EHBP1: variants seen among roughly 807,000 people sequenced by gnomAD.
EHBP1 encodes the protein EH domain binding protein 1.
A neutral mutation model predicts 144.0 loss-of-function variants in EHBP1; 55 were observed. The ratio of observed to expected loss-of-function variants is 0.38; its 90% CI spans 0.31 to 0.48. The LOEUF is 0.48. EHBP1 is among the 20% of genes least tolerant of loss of function. The pLI is 0.98. For synonymous variants in EHBP1, 469 were observed against 472.7 expected (o/e 0.99, Z 0.10); for missense variants, 1,200 against 1,364.2 (o/e 0.88, Z 1.90).
rs1337779421 is a variant in EHBP1 at position 62,810,162 on chromosome 2, A to G, written c.313-15925A>G. 2.0e-5 allele frequency among the ~76,000 whole-genome samples: 3 copies of G among 152,252 alleles called. No homozygotes were observed. In the East Asian group the frequency reaches 5.8e-4, roughly 29 times the overall value. On this transcript the variant is annotated intron_variant, in intron 5 of 22. Transcript: ENST00000431489. Reference sequence around the variant, plus strand: ...TGTACAGTGGTATCAACAAGTTGGTAAAGTTTTAAGGGATTCTTTTTTGTA... The same window carrying G: ...TGTACAGTGGTATCAACAAGTTGGTGAAGTTTTAAGGGATTCTTTTTTGTA...
chr2:63,006,837 A>G (rs1358760367), intron 19 of EHBP1, among the ~76,000 whole-genome samples: 1 of 151,654 alleles, frequency 6.6e-6, no homozygotes, highest in Non-Finnish European at 1.5e-5. Flanking sequence ...ATATATATAT[A>G]TGTCAGGATC....
At chr2:62,838,695 A>G (rs1389441084) in intron 7 of EHBP1, among the ~76,000 whole-genome samples, 2 of 151,806 alleles carry the variant, frequency 1.3e-5, no homozygotes, top group Non-Finnish European at 2.9e-5. Flanking sequence ...AACTACCATC[A>G]AAGAATACTA....
chr2:62,830,658 C>A (rs574114470), intron 6 of EHBP1, among the ~76,000 whole-genome samples: 3 of 152,082 alleles, frequency 2.0e-5, no homozygotes, highest in Non-Finnish European at 4.4e-5. Context: ...TAATAAGGTC[C>A]CATCTATTTG....
Position 62,831,118 on chromosome 2 carries a change from G to T in EHBP1, c.594G>T (p.Glu198Asp), listed in dbSNP as rs200124260. The T allele has an allele frequency of 1.1e-4, 174 of 1,605,606 alleles. No homozygotes were observed. The highest frequency in any genetic ancestry group is 9.9e-4 in the Middle Eastern group (6 of 6,042). Residue 198 changes from glutamate (E) to aspartate (D), a missense_variant, in exon 7 of 23, where the codon GAG (glutamate) becomes GAT (aspartate). By Grantham distance (45) the Glu-to-Asp change is conservative (BLOSUM62 2). This residue lies in a region of EHBP1 where 266 missense variants were observed against 262.4 expected (regional missense o/e 1.01). Coordinates refer to ENST00000431489, the MANE Select transcript of EHBP1 (RefSeq NM_001142616.3). ...DFEEDNEDDD[E>D]NRVNQEEKAA... is the part of the protein sequence containing the mutation. The stretch of plus-strand genomic sequence containing the variant: ...AAGAAGATAATGAAGATGATGATGA[G>T]AACAGAGTGAACCAAGAAGAAAAGG...
At chr2:62,744,174 A>G (rs1022395290) in intron 2 of EHBP1, among the ~76,000 whole-genome samples, 4 of 152,160 alleles carry the variant, frequency 2.6e-5, no homozygotes, top group African/African-American at 9.7e-5. Context: ...TACATGTAAT[A>G]TATAAAAATG....
chr2:62,861,968 G>C (rs1000974457), intron 8 of EHBP1, among the ~76,000 whole-genome samples: 30 of 152,062 alleles, frequency 2.0e-4, no homozygotes. Context: ...TTTGAGCCCT[G>C]ATATTTGTTA....
At chr2:62,785,716 C>A (rs1219691933) in intron 5 of EHBP1, among the ~76,000 whole-genome samples, 1 of 151,922 alleles carries the variant, frequency 6.6e-6, no homozygotes, top group Non-Finnish European at 1.5e-5. Flanking sequence ...TCTCCTTCAC[C>A]TTTCTTATAC....
chr2:62,711,947 T>G (rs1270675129), intron 2 of EHBP1, among the ~76,000 whole-genome samples: 1 of 152,124 alleles, frequency 6.6e-6, no homozygotes, highest in Non-Finnish European at 1.5e-5. Context: ...ACAGTGAGTA[T>G]GATGATTTTT....
At chr2:63,014,887 A>AG (rs1337069800) in intron 19 of EHBP1, among the ~76,000 whole-genome samples, 3 of 152,180 alleles carry the variant, frequency 2.0e-5, no homozygotes, top group African/African-American at 7.2e-5. Flanking sequence ...CTGAGGCAGG[A>AG]GAATCGCTTG....
chr2:62,740,539 T>A (rs1187799018), intron 2 of EHBP1, among the ~76,000 whole-genome samples: 1 of 152,216 alleles, frequency 6.6e-6, no homozygotes, highest in East Asian at 1.9e-4. Flanking sequence ...CCCCCTTTTT[T>A]GTTTAAATAT....
At chr2:62,762,394 A>G (rs1048393315) in intron 3 of EHBP1, among the ~76,000 whole-genome samples, 2 of 152,196 alleles carry the variant, frequency 1.3e-5, no homozygotes, top group East Asian at 1.9e-4. Flanking sequence ...TATTACCTGT[A>G]TGCTGACAGT....
chr2:62,904,532 A>AC (rs1175793439), intron 10 of EHBP1, among the ~76,000 whole-genome samples: 13 of 151,488 alleles, frequency 8.6e-5, no homozygotes, highest in South Asian at 6.3e-4. Context: ...CATGTGCTTC[A>AC]CCCCCCCGGC....
intron 2 of EHBP1, among the ~76,000 whole-genome samples, chr2:62,720,017 A>C (rs1297061794): frequency 6.6e-6 from 1 of 152,218 alleles, no homozygotes; most frequent in African/African-American, 2.4e-5. Context: ...CAGACATCAC[A>C]TGAAAATCTG....
chr2:63,006,288 G>A (rs2060033387), intron 19 of EHBP1, among the ~76,000 whole-genome samples: 1 of 151,666 alleles, frequency 6.6e-6, no homozygotes, highest in Non-Finnish European at 1.5e-5. Flanking sequence ...GCCACTCATT[G>A]ACATCTAGGA....
At chr2:63,004,359 A>G (rs539894601) in intron 19 of EHBP1, among the ~76,000 whole-genome samples, 1 of 152,188 alleles carries the variant, frequency 6.6e-6, no homozygotes, top group South Asian at 2.1e-4. Context: ...CTACATCTTA[A>G]GAAAATGACA....
At chr2:63,031,089 G>A (rs916517218) in intron 19 of EHBP1, among the ~76,000 whole-genome samples, 14 of 152,092 alleles carry the variant, frequency 9.2e-5, no homozygotes, top group African/African-American at 2.9e-4. Flanking sequence ...GAGCCACTGC[G>A]CCCAGCTTCC....
At position 62,884,069 on chromosome 2, in the gene EHBP1, G is replaced by C. The variant is rs973831971; in HGVS notation, c.1185+9537G>C. ...TGTATTAAAAATGTTATTCATTTCT[G>C]TGTGTATAAAAAATGTTATTCACAT... On this transcript the variant is annotated intron_variant, in intron 10 of 22. Coordinates refer to ENST00000431489, the MANE Select transcript of EHBP1 (RefSeq NM_001142616.3). Among the ~76,000 whole-genome samples, 12 of 152,286 alleles carry C rather than the reference G, an allele frequency of 7.9e-5. No individual in the cohort carries two copies. The South Asian group carries it at 8.3e-4, about 11-fold the overall frequency.
chr2:62,713,019 A>G (rs950380908), intron 2 of EHBP1, among the ~76,000 whole-genome samples: 5 of 152,198 alleles, frequency 3.3e-5, no homozygotes, highest in African/African-American at 1.2e-4. Flanking sequence ...GTTTGAGTAG[A>G]TAATCTTTTG....
intron 15 of EHBP1, among the ~76,000 whole-genome samples, chr2:62,985,158 G>A (rs1421877621): frequency 6.6e-6 from 1 of 152,012 alleles, no homozygotes; most frequent in Non-Finnish European, 1.5e-5. Flanking sequence ...GGTTATAACA[G>A]TCTCCAACCT....
Sources: allele counts gnomAD v4.1 joint callset (sites outside exome capture counted in the v4.1 genomes callset), GRCh38; gene constraint gnomAD v4.1.1; regional missense constraint gnomAD v4.1.1; transcripts MANE v1.5; gene names NCBI Gene and HGNC (gene_info 2026-07-23, HGNC 2026-07-21).